TEAD1: variants seen among roughly 807,000 people sequenced by gnomAD.
TEAD1 encodes TEA domain transcription factor 1.
Under a neutral mutation model 54.9 loss-of-function variants are expected in TEAD1, and 9 were observed. That is an observed-to-expected ratio of 0.16 (90% CI 0.10 to 0.29). The LOEUF (loss-of-function observed/expected upper bound fraction) is 0.29, where lower values mean the gene tolerates loss of function less well. TEAD1 is among the 10% of genes least tolerant of loss of function. TEAD1 has a pLI of 1.00. For synonymous variants in TEAD1, 200 were observed against 187.8 expected, an observed-to-expected ratio of 1.07 and a Z score of -0.53; for missense variants, 387 against 535.9, an observed-to-expected ratio of 0.72 and a Z score of 2.74.
intron 2 of TEAD1, among the ~76,000 whole-genome samples, chr11:12,716,895 G>T (rs1467974302): frequency 6.6e-6 from 1 of 152,204 alleles, no homozygotes; most frequent in Non-Finnish European, 1.5e-5. Flanking sequence ...GCCTGGCTCT[G>T]CGTTCCCGAC....
rs78748930 is a variant in TEAD1 at position 12,687,399 on chromosome 11, C to T, written c.-55+11838C>T. 7.5e-3 allele frequency among the ~76,000 whole-genome samples: 1,140 copies of T among 152,292 alleles called. 12 individuals are homozygous for T. The highest frequency in any genetic ancestry group is 0.026 in the African/African-American group (1,073 of 41,552). Reference sequence around the variant, plus strand: ...AAGGCTGACAGGCCAGGTTCTGTCTCAAGCCCATATAAGAGTTGAGTTGCA... The same window carrying T: ...AAGGCTGACAGGCCAGGTTCTGTCTTAAGCCCATATAAGAGTTGAGTTGCA... On this transcript the variant is annotated intron_variant, in intron 2 of 12. Transcript: ENST00000527636.
intron 3 of TEAD1, among the ~76,000 whole-genome samples, chr11:12,815,102 T>C (rs1946388839): frequency 6.6e-6 from 1 of 152,084 alleles, no homozygotes; most frequent in Admixed American, 6.6e-5. Context: ...CCGGGCTTTG[T>C]TTATAGATAA....
intron 5 of TEAD1, among the ~76,000 whole-genome samples, chr11:12,871,412 C>A (rs998105514): frequency 2.4e-4 from 36 of 152,168 alleles, no homozygotes; most frequent in African/African-American, 8.2e-4. Flanking sequence ...ATGAAAAAGT[C>A]ATTAACTGTT....
intron 4 of TEAD1, among the ~76,000 whole-genome samples, chr11:12,864,485 C>T (rs1323402614): frequency 6.6e-6 from 1 of 152,124 alleles, no homozygotes; most frequent in African/African-American, 2.4e-5. Context: ...AAGCTTAGAG[C>T]AGCGCTGGGG....
At chr11:12,777,892 T>TA (rs1945463940) in intron 3 of TEAD1, among the ~76,000 whole-genome samples, 1 of 152,202 alleles carries the variant, frequency 6.6e-6, no homozygotes, top group Non-Finnish European at 1.5e-5. Flanking sequence ...GGGTTGAACA[T>TA]ACGCATTGTG....
chr11:12,811,724 A>G (rs945214260), intron 3 of TEAD1, among the ~76,000 whole-genome samples: 2 of 151,752 alleles, frequency 1.3e-5, no homozygotes, highest in African/African-American at 4.8e-5. Context: ...TGTGGGTTGG[A>G]ATAGGTCTGT....
At chr11:12,846,335 C>G (rs139951720) in intron 3 of TEAD1, among the ~76,000 whole-genome samples, 3 of 150,894 alleles carry the variant, frequency 2.0e-5, no homozygotes, top group Non-Finnish European at 3.0e-5. Context: ...TAGATTCACT[C>G]ATAGCATTTA....
At chr11:12,825,077 A>T (rs1199989685) in intron 3 of TEAD1, among the ~76,000 whole-genome samples, 1 of 152,232 alleles carries the variant, frequency 6.6e-6, no homozygotes, top group Non-Finnish European at 1.5e-5. Flanking sequence ...GTTCATCAGT[A>T]TAAGAAAATA....
At chr11:12,890,000 G>T (rs1485126526) in intron 9 of TEAD1, among the ~76,000 whole-genome samples, 3 of 152,072 alleles carry the variant, frequency 2.0e-5, no homozygotes, top group African/African-American at 7.2e-5. Context: ...GGGATTACAG[G>T]TGTGAGCCAC....
chr11:12,838,193 C>T (rs1023241448), intron 3 of TEAD1, among the ~76,000 whole-genome samples: 10 of 152,164 alleles, frequency 6.6e-5, no homozygotes, highest in East Asian at 5.8e-4. Context: ...TGTGTTAATA[C>T]GGGACTTCCT....
intron 3 of TEAD1, among the ~76,000 whole-genome samples, chr11:12,820,343 C>A (rs1204099600): frequency 6.6e-6 from 1 of 151,172 alleles, no homozygotes; most frequent in East Asian, 2.0e-4. Context: ...CCCACCCCAC[C>A]CACCCACAGT....
intron 3 of TEAD1, among the ~76,000 whole-genome samples, chr11:12,849,758 T>G (rs1046265399): frequency 6.6e-6 from 1 of 152,232 alleles, no homozygotes; most frequent in African/African-American, 2.4e-5. Flanking sequence ...CTGTCACAAA[T>G]TTTAAGAATT....
intron 3 of TEAD1, among the ~76,000 whole-genome samples, chr11:12,770,548 T>C (rs35443145): frequency 0.13 from 20,205 of 152,176 alleles, 1,784 homozygotes; most frequent in Non-Finnish European, 0.2. Context: ...CACTTTCCCA[T>C]TGCTATAGGA....
chr11:12,882,400 T>C (rs761989281), intron 8 of TEAD1, among the ~76,000 whole-genome samples: 8 of 152,114 alleles, frequency 5.3e-5, no homozygotes, highest in Non-Finnish European at 7.4e-5. Context: ...TGAATCTGTC[T>C]AGCCTACCTG....
At chr11:12,921,868 C>A (rs907420744) in intron 10 of TEAD1, among the ~76,000 whole-genome samples, 1 of 152,132 alleles carries the variant, frequency 6.6e-6, no homozygotes, top group Non-Finnish European at 1.5e-5. Flanking sequence ...TGATTTCCTG[C>A]TGAGCTGCTC....
At chr11:12,832,529 A>G (rs1053805621) in intron 3 of TEAD1, among the ~76,000 whole-genome samples, 10 of 152,240 alleles carry the variant, frequency 6.6e-5, no homozygotes, top group African/African-American at 2.4e-4. Context: ...ACTAATCATT[A>G]ATAACTATAC....
At position 12,828,943 on chromosome 11, in the gene TEAD1, T is replaced by C. The variant is rs988005733; in HGVS notation, c.203-33307T>C. On this transcript the variant is annotated intron_variant, in intron 3 of 12. Coordinates refer to ENST00000527636, the MANE Select transcript of TEAD1 (RefSeq NM_021961.6). ...ATTCTGTTGTGTATATTTCTGCAGATGATAATGTTTATGAAGCATAGATTC... is the reference window on the plus strand; with the variant it reads ...ATTCTGTTGTGTATATTTCTGCAGACGATAATGTTTATGAAGCATAGATTC... Among the ~76,000 whole-genome samples, 211 of 152,238 alleles carry C rather than the reference T, an allele frequency of 1.4e-3. 2 individuals are homozygous for C. The highest frequency in any genetic ancestry group is 4.9e-3 in the African/African-American group (204 of 41,534).
chr11:12,828,346 A>G (rs148129058), intron 3 of TEAD1: 4 of 152,084 alleles, frequency 2.6e-5, no homozygotes, highest in African/African-American at 9.7e-5. Flanking sequence ...GTATGTTCAT[A>G]TTGTTCTTTA....
Position 12,921,474 on chromosome 11 carries a change from A to T in TEAD1, c.874-3438A>T, listed in dbSNP as rs537875229. On this transcript the variant is annotated intron_variant, in intron 10 of 12. Transcript: ENST00000527636. ...AGAGTCGCTCAAACCCAGGAGGCAGAGGTTGCGGTGAGCCAAGATCGTGCC... is the reference window on the plus strand; with the variant it reads ...AGAGTCGCTCAAACCCAGGAGGCAGTGGTTGCGGTGAGCCAAGATCGTGCC... 2.7e-5 allele frequency among the ~76,000 whole-genome samples: 4 copies of T among 147,370 alleles called. No individual in the cohort carries two copies. In the South Asian group the frequency reaches 8.5e-4, roughly 31 times the overall value.
Sources: allele counts gnomAD v4.1 joint callset (sites outside exome capture counted in the v4.1 genomes callset), GRCh38; gene constraint gnomAD v4.1.1; transcripts MANE v1.5; gene names NCBI Gene and HGNC (gene_info 2026-07-23, HGNC 2026-07-21).